The following TOX3 variants were observed in gnomAD, a reference collection of about 807,000 sequenced individuals.
The protein encoded by TOX3 is CAG trinucleotide repeat-containing gene F9 protein.
A neutral mutation model predicts 64.3 loss-of-function variants in TOX3; 22 were observed. The observed-to-expected ratio is 0.34, with a 90% confidence interval of 0.24 to 0.49. The LOEUF is 0.49. Ranked by LOEUF, TOX3 falls within the 20% of genes least tolerant of loss-of-function variation. The probability of loss-of-function intolerance (pLI) is 0.99; values close to 1 mark genes in which losing one functional copy is unlikely to be tolerated. For missense variants in TOX3, 661 were observed against 714.4 expected (o/e 0.93, Z 0.85); for synonymous variants, 291 against 273.6 (o/e 1.06, Z -0.63).
intron 1 of TOX3, among the ~76,000 whole-genome samples, chr16:52,517,172 C>G (rs892832882): frequency 2.0e-5 from 3 of 152,068 alleles, no homozygotes; most frequent in African/African-American, 7.2e-5. Context: ...TATCATTTAC[C>G]AACATTCAAT....
intron 4 of TOX3, among the ~76,000 whole-genome samples, 196 bp from the exon 5 acceptor site, chr16:52,446,417 A>C (rs1960165371): frequency 6.6e-6 from 1 of 152,206 alleles, no homozygotes; most frequent in African/African-American, 2.4e-5. Flanking sequence ...AACATCGATT[A>C]ATGAGACCCA....
intron 1 of TOX3, among the ~76,000 whole-genome samples, chr16:52,509,027 T>C (rs1216989574): frequency 6.6e-6 from 1 of 152,192 alleles, no homozygotes; most frequent in Non-Finnish European, 1.5e-5. Context: ...TATTCATTTA[T>C]TATTTATTAC....
chr16:52,460,210 A>C (rs1960647237), intron 3 of TOX3, among the ~76,000 whole-genome samples: 1 of 152,220 alleles, frequency 6.6e-6, no homozygotes, highest in Non-Finnish European at 1.5e-5. Context: ...ATTTTCTATA[A>C]ATATGTGTGA....
chr16:52,543,102 G>A (rs1963109609), intron 1 of TOX3, among the ~76,000 whole-genome samples: 1 of 152,136 alleles, frequency 6.6e-6, no homozygotes, highest in South Asian at 2.1e-4. Flanking sequence ...GCTAGTAACT[G>A]GAGTTTAGTC....
chr16:52,471,255 A>T (rs79025327), intron 1 of TOX3, among the ~76,000 whole-genome samples: 1 of 152,174 alleles, frequency 6.6e-6, no homozygotes, highest in African/African-American at 2.4e-5. Context: ...GGTTAAACTA[A>T]TCAGAATGAA....
chr16:52,523,859 T>C (rs1487272443), intron 1 of TOX3, among the ~76,000 whole-genome samples: 1 of 152,218 alleles, frequency 6.6e-6, no homozygotes, highest in Non-Finnish European at 1.5e-5. Context: ...ATTAAATGAA[T>C]TGTGACTTTT....
At chr16:52,521,895 C>T (rs45506592) in intron 1 of TOX3, among the ~76,000 whole-genome samples, 160 of 152,282 alleles carry the variant, frequency 1.1e-3, no homozygotes, top group Non-Finnish European at 1.5e-3. Context: ...CTGTGGGTAA[C>T]GAGCACAGTC....
chr16:52,490,223 C>T (rs1961641683), intron 1 of TOX3, among the ~76,000 whole-genome samples: 1 of 152,110 alleles, frequency 6.6e-6, no homozygotes, highest in Non-Finnish European at 1.5e-5. Flanking sequence ...TTCACTCTCT[C>T]CCTCTCTCCT....
intron 3 of TOX3, among the ~76,000 whole-genome samples, chr16:52,454,045 C>T (rs1011778424): frequency 2.0e-5 from 3 of 152,100 alleles, no homozygotes; most frequent in Non-Finnish European, 2.9e-5. Context: ...ATTCCCCAGG[C>T]CCCCAAGCTA....
intron 1 of TOX3, among the ~76,000 whole-genome samples, chr16:52,530,341 CTT>C (rs10538952): frequency 0.49 from 71,635 of 146,996 alleles, 17,349 homozygotes; most frequent in East Asian, 0.62. Context: ...CCCCACCCCA[CTT>C]TTTTTTTTTT....
chr16:52,437,524 A>G lies in TOX3; in HGVS notation c.*1701T>C, dbSNP rs920322812. On this transcript the variant is annotated 3_prime_UTR_variant, in exon 7 of 7. Transcript: ENST00000219746. ...GTGGTAATTTGCAATTTTTATCAAG[A>G]CCTCTTCATTATAGCTTCTGACAGG... 3 of 152,178 alleles carry G rather than the reference A, an allele frequency of 2.0e-5. No individual in the cohort carries two copies. The highest frequency in any genetic ancestry group is 7.2e-5 in the African/African-American group (3 of 41,400). The allele number at this position is 152,178 out of a possible 1,614,324, so 9.4% of individuals were successfully genotyped here.
At chr16:52,446,276 A>T in intron 4 of TOX3, 55 bp from the exon 5 acceptor site, 1 of 1,544,532 alleles carries the variant, frequency 6.5e-7, no homozygotes, top group Non-Finnish European at 8.8e-7. Context: ...AGAATGCAAC[A>T]AGACTTAACT....
intron 1 of TOX3, among the ~76,000 whole-genome samples, chr16:52,525,265 G>T (rs561670969): frequency 1.3e-5 from 2 of 152,060 alleles, no homozygotes; most frequent in Admixed American, 6.5e-5. Context: ...TTTGGGGAGG[G>T]GGGTTCTCTA....
intron 1 of TOX3, among the ~76,000 whole-genome samples, chr16:52,497,677 A>G (rs1399270919): frequency 6.6e-6 from 1 of 152,180 alleles, no homozygotes. Flanking sequence ...ACAAAGAGCT[A>G]GGTTTATTCC....
intron 4 of TOX3, among the ~76,000 whole-genome samples, chr16:52,449,579 C>G (rs577738537): frequency 6.6e-6 from 1 of 152,332 alleles, no homozygotes; most frequent in African/African-American, 2.4e-5. Context: ...AAAGGGGAAT[C>G]TCATTAGCAG....
chr16:52,511,668 T>C (rs1366605087), intron 1 of TOX3, among the ~76,000 whole-genome samples: 1 of 152,200 alleles, frequency 6.6e-6, no homozygotes, highest in Non-Finnish European at 1.5e-5. Context: ...ATTTTTCTTT[T>C]TGTGTGTTTG....
intron 1 of TOX3, among the ~76,000 whole-genome samples, chr16:52,504,495 C>T (rs977626809): frequency 1.3e-5 from 2 of 150,708 alleles, no homozygotes; most frequent in African/African-American, 4.9e-5. Context: ...GAAGTTCACA[C>T]TCTAAAATGA....
chr16:52,481,260 T>C (rs1961362093), intron 1 of TOX3, among the ~76,000 whole-genome samples: 1 of 152,216 alleles, frequency 6.6e-6, no homozygotes, highest in African/African-American at 2.4e-5. Context: ...GTTTCAAATA[T>C]ATATCAACTA....
Position 52,446,174 on chromosome 16 carries a change from C to A in TOX3, c.726G>T (p.Lys242Asn). The A allele has an allele frequency of 6.2e-7, 1 of 1,613,920 alleles. No individual in the cohort carries two copies. The change falls in exon 5 of 7, where the codon AAG becomes AAT. Residue 242 changes from lysine (K) to asparagine (N), a missense_variant. By Grantham distance (94) the Lys-to-Asn change is moderately conservative. Around this residue, in one of 3 missense-constraint regions of TOX3, gnomAD observed 103 missense variants for 161.2 expected, o/e 0.64. Coordinates refer to ENST00000219746, the MANE Select transcript of TOX3 (RefSeq NM_001080430.4). ...CTTTCTTTTTCTTTTTCTTTGGAGT[C>A]TTGGGCTTCTTGCCAGAGTCTGGAG... ...RAAPDSGKKP[K>N]TPKKKKKKDP...
Sources: gnomAD v4.1 joint callset for allele counts (sites outside exome capture counted in the v4.1 genomes callset) on GRCh38, gnomAD v4.1.1 for gene constraint, gnomAD v4.1.1 regional missense constraint, MANE v1.5 for transcripts, NCBI Gene and HGNC (gene_info 2026-07-23, HGNC 2026-07-21) for gene names.